NFATC3: variants seen among roughly 807,000 people sequenced by gnomAD.
The protein encoded by NFATC3 is nuclear factor of activated T-cells, cytoplasmic 3.
Under a neutral mutation model 98.6 loss-of-function variants are expected in NFATC3, and 46 were observed. The ratio of observed to expected loss-of-function variants is 0.47; its 90% CI spans 0.37 to 0.60. The LOEUF (loss-of-function observed/expected upper bound fraction) is 0.60, where lower values mean the gene tolerates loss of function less well. Among genes scored for constraint, NFATC3 ranks in the 20% least tolerant of loss-of-function variants. The probability of loss-of-function intolerance (pLI) is 0.00; values close to 1 mark genes in which losing one functional copy is unlikely to be tolerated. For missense variants in NFATC3, 1,256 were observed against 1,295.5 expected (o/e 0.97, Z 0.47); for synonymous variants, 512 against 472.2 (o/e 1.08, Z -1.09).
intron 1 of NFATC3, among the ~76,000 whole-genome samples, chr16:68,117,332 A>C (rs2151492617): frequency 6.6e-6 from 1 of 152,286 alleles, no homozygotes; most frequent in East Asian, 1.9e-4. Context: ...TTTTGCTCCT[A>C]AATTTATATC....
rs969448972 is a variant in NFATC3 at position 68,229,093 on chromosome 16, C to T, written c.*2622C>T. 1.3e-5 allele frequency: 2 copies of T among 152,186 alleles called. No homozygotes were observed. The highest frequency in any genetic ancestry group is 2.9e-5 in the Non-Finnish European group (2 of 68,032). The allele number at this position is 152,186 out of a possible 1,614,324, so 9.4% of individuals were successfully genotyped here. ...GATGTTTAGTAAAGGAACTGGTTCT[C>T]AGTTATGTTTACAGCACTTGGAATT... On this transcript the variant is annotated 3_prime_UTR_variant, in exon 10 of 10. Transcript: ENST00000346183.
chr16:68,120,738 A>G (rs1322452694), intron 1 of NFATC3, among the ~76,000 whole-genome samples: 1 of 151,990 alleles, frequency 6.6e-6, no homozygotes, highest in African/African-American at 2.4e-5. Flanking sequence ...ATCTCAAACA[A>G]ACAAACAAAC....
intron 4 of NFATC3, among the ~76,000 whole-genome samples, chr16:68,160,045 CA>C (rs2038816195): frequency 6.6e-6 from 1 of 151,640 alleles, no homozygotes; most frequent in African/African-American, 2.4e-5. Flanking sequence ...TCCATTGCAT[CA>C]AGAGCGAAAC....
intron 9 of NFATC3, among the ~76,000 whole-genome samples, chr16:68,216,500 G>A (rs746974979): frequency 7.9e-5 from 12 of 151,794 alleles, no homozygotes; most frequent in East Asian, 1.9e-4. Flanking sequence ...TTGTTATGAC[G>A]TTGATTATAG....
chr16:68,104,669 T>TTTTTG (rs1168052483), intron 1 of NFATC3, among the ~76,000 whole-genome samples: 4 of 150,624 alleles, frequency 2.7e-5, no homozygotes, highest in African/African-American at 9.8e-5. Flanking sequence ...TTTTTTTTTT[T>TTTTTG]GAAATGGAGT....
intron 4 of NFATC3, among the ~76,000 whole-genome samples, chr16:68,160,588 A>G (rs1335638505): frequency 6.6e-6 from 1 of 152,206 alleles, no homozygotes; most frequent in Non-Finnish European, 1.5e-5. Flanking sequence ...TTTGGTTCAG[A>G]TGGACAGTAC....
chr16:68,112,268 CTTTTTT>C (rs768228927), intron 1 of NFATC3, among the ~76,000 whole-genome samples: 7 of 77,424 alleles, frequency 9.0e-5, no homozygotes, highest in African/African-American at 2.7e-4. Context: ...TAGGTTCAGT[CTTTTTT>C]TTTTTTTTTT....
chr16:68,216,733 G>A (rs895935861), intron 9 of NFATC3, among the ~76,000 whole-genome samples: 11 of 151,916 alleles, frequency 7.2e-5, no homozygotes, highest in African/African-American at 2.2e-4. Context: ...GGATTTCACC[G>A]TGTTGGCCAG....
At chr16:68,154,778 G>C (rs567433119) in intron 3 of NFATC3, among the ~76,000 whole-genome samples, 1 of 152,344 alleles carries the variant, frequency 6.6e-6, no homozygotes, top group South Asian at 2.1e-4. Context: ...AGAGCAGACT[G>C]TGGAAAGGGT....
At chr16:68,141,320 C>A (rs1486650726) in intron 3 of NFATC3, among the ~76,000 whole-genome samples, 1 of 152,054 alleles carries the variant, frequency 6.6e-6, no homozygotes, top group Admixed American at 6.5e-5. Flanking sequence ...TGTATAGATA[C>A]CTGGTAGTGG....
At chr16:68,130,020 A>G (rs2037037941) in intron 3 of NFATC3, among the ~76,000 whole-genome samples, 1 of 152,032 alleles carries the variant, frequency 6.6e-6, no homozygotes, top group Admixed American at 6.6e-5. Context: ...TCAATTGTGT[A>G]TATATACCAC....
rs1023311927 is a variant in NFATC3, at chr16:68,123,252, A to T, written c.1238+131A>T. Reference sequence around the variant, plus strand: ...TCTCCTCTTCCTATTTTTAAAAAAAATTTTACCAAATAACTTAATGTTTAT... The same window carrying T: ...TCTCCTCTTCCTATTTTTAAAAAAATTTTTACCAAATAACTTAATGTTTAT... On this transcript the variant is annotated intron_variant, in intron 2 of 9. Transcript: ENST00000346183. The T allele has an allele frequency of 2.6e-5, 23 of 870,064 alleles. No individual in the cohort carries two copies. In the Admixed American group the frequency reaches 2.7e-4, roughly 10 times the overall value. The allele number at this position is 870,064 out of a possible 1,614,324, so 53.9% of individuals were successfully genotyped here.
rs2034951872 is a variant in NFATC3, at chr16:68,095,231, C to CT, written c.103+9448dup. On this transcript the variant is annotated intron_variant, in intron 1 of 9. Coordinates refer to ENST00000346183, the MANE Select transcript of NFATC3 (RefSeq NM_173165.3). ...TTTTTTTTTGAGAGAGAATCTCACT[C>CT]TATTTCCCAGGCTGGAGTGCAACCT... Among the ~76,000 whole-genome samples the CT allele has an allele frequency of 3.3e-5, 5 of 151,866 alleles. No individual in the cohort carries two copies. In the South Asian group the frequency reaches 1.0e-3, roughly 32 times the overall value.
chr16:68,149,100 A>G (rs1259256745), intron 3 of NFATC3, among the ~76,000 whole-genome samples: 1 of 152,138 alleles, frequency 6.6e-6, no homozygotes, highest in Non-Finnish European at 1.5e-5. Context: ...ACCCTGAGAG[A>G]ATCTGGTGAT....
At chr16:68,214,523 G>A in intron 9 of NFATC3, 1 of 994,530 alleles carries the variant, frequency 1.0e-6, no homozygotes, top group Non-Finnish European at 1.6e-6. Flanking sequence ...CAGAGGAGGG[G>A]GTATGCACGG....
intron 9 of NFATC3, among the ~76,000 whole-genome samples, chr16:68,215,414 G>A (rs768817743): frequency 6.6e-6 from 1 of 152,208 alleles, no homozygotes; most frequent in African/African-American, 2.4e-5. Context: ...GATTAGTTAA[G>A]TCACCTGAGT....
intron 1 of NFATC3, 121 bp downstream of exon 1, chr16:68,085,905 C>T (rs1598327632): frequency 2.8e-6 from 2 of 702,540 alleles, no homozygotes; most frequent in Admixed American, 4.3e-5. Context: ...TGTGTGCGCG[C>T]GCGTGTGTGT....
At chr16:68,163,104 C>T (rs576082838) in intron 4 of NFATC3, among the ~76,000 whole-genome samples, 3 of 152,174 alleles carry the variant, frequency 2.0e-5, no homozygotes, top group Non-Finnish European at 2.9e-5. Context: ...TTTCTTAGTA[C>T]AGAACAAAAT....
In NFATC3 at chr16:68,169,005, G is replaced by A. The variant is rs976807537; in HGVS notation, c.1774+1990G>A. Among the ~76,000 whole-genome samples, 7 of 151,984 alleles carry A rather than the reference G, an allele frequency of 4.6e-5. No individual in the cohort carries two copies. In the South Asian group the frequency reaches 1.0e-3, roughly 22 times the overall value. On this transcript the variant is annotated intron_variant, in intron 5 of 9. Transcript: ENST00000346183. ...TCACTGTGTTTCTCAAGCTGGTCTC[G>A]AACTCCTGGGCACAAGTGATCCTCC...
Sources: allele counts gnomAD v4.1 joint callset (sites outside exome capture counted in the v4.1 genomes callset), GRCh38; gene constraint gnomAD v4.1.1; transcripts MANE v1.5; gene names NCBI Gene and HGNC (gene_info 2026-07-23, HGNC 2026-07-21).